Variants in MORN4 observed in about 807,000 individuals in gnomAD.
The protein encoded by MORN4 is MORN repeat-containing protein 4.
MORN4 carries 8 observed loss-of-function variants against 16.4 expected under a neutral mutation model. The ratio of observed to expected loss-of-function variants is 0.49; its 90% CI spans 0.29 to 0.88. The LOEUF (loss-of-function observed/expected upper bound fraction) is 0.88. Among genes scored for constraint, MORN4 ranks in the 40% least tolerant of loss-of-function variants. The probability of loss-of-function intolerance (pLI) is 0.09; values close to 1 mark genes in which losing one functional copy is unlikely to be tolerated. For missense variants in MORN4, 159 were observed against 182.9 expected (o/e 0.87, Z 0.75); for synonymous variants, 53 against 68.9 (o/e 0.77, Z 1.14).
In MORN4 at chr10:97,633,313, T is replaced by A. The variant is rs1399863375; in HGVS notation, c.-31+34A>T. 20 of 1,287,868 alleles carry A rather than the reference T, an allele frequency of 1.6e-5. No individual in the cohort carries two copies. The highest frequency in any genetic ancestry group is 2.0e-5 in the Non-Finnish European group (20 of 988,116). 79.8% of individuals were successfully genotyped at this position (1,287,868 alleles called of 1,614,324 possible). On this transcript the variant is annotated intron_variant, in intron 1 of 4. Transcript: ENST00000307450. The surrounding 1 kb of genome is among the most constrained non-coding windows in gnomAD (Gnocchi z 4.5). ...TGCCCACCTGACCGATCACACTCTT[T>A]CCCGGCCCCCTCCCTCCTGCGCCTC...
chr10:97,621,911 T>C (rs763670531), intron 1 of MORN4, among the ~76,000 whole-genome samples: 1 of 152,034 alleles, frequency 6.6e-6, no homozygotes, highest in African/African-American at 2.4e-5. Context: ...CTGCTGGACC[T>C]GGGTTGGCTG....
chr10:97,621,367 C>T (rs922223607), intron 1 of MORN4, among the ~76,000 whole-genome samples: 5 of 152,156 alleles, frequency 3.3e-5, no homozygotes, highest in East Asian at 3.9e-4. Context: ...GGAAAAGAGG[C>T]GACCTCTGCG....
At chr10:97,619,212 C>G (rs2135735678) in intron 2 of MORN4, among the ~76,000 whole-genome samples, 1 of 152,202 alleles carries the variant, frequency 6.6e-6, no homozygotes, top group Middle Eastern at 3.4e-3. Context: ...GTAATCCCAG[C>G]TACTTGGGAG....
upstream of MORN4, chr10:97,633,617 C>A: frequency 7.8e-7 from 1 of 1,287,682 alleles, no homozygotes; most frequent in Non-Finnish European, 1.0e-6. This position sits in a 1 kb window ranked among gnomAD's most constrained non-coding sequence, Gnocchi z 4.5. Context: ...TTTGCGAACC[C>A]GGGCTGACTA....
At chr10:97,628,993 C>A (rs1942219132) in intron 1 of MORN4, among the ~76,000 whole-genome samples, 1 of 152,184 alleles carries the variant, frequency 6.6e-6, no homozygotes, top group Admixed American at 6.5e-5. Context: ...TGTTTGTCTA[C>A]AATTTGATCT....
chr10:97,614,883 CG>C lies in MORN4; in HGVS notation c.*1379del, dbSNP rs2135732385. The C allele has an allele frequency of 6.6e-6, 1 of 152,600 alleles. No individual in the cohort carries two copies. Among genetic ancestry groups the C allele is most frequent in the South Asian group, 2.1e-4 (1 of 4,824 alleles). 9.5% of individuals were successfully genotyped at this position (152,600 alleles called of 1,614,324 possible). On this transcript the variant is annotated 3_prime_UTR_variant, in exon 5 of 5. Coordinates refer to ENST00000307450, the MANE Select transcript of MORN4 (RefSeq NM_178832.4). The stretch of plus-strand genomic sequence containing the variant: ...CAATTCTACCAAAACCCCAGGGGTT[CG>C]GGTGAGTCTGATTTATTGGTCCACT...
At chr10:97,618,507 C>T (rs2041259264) in intron 2 of MORN4, among the ~76,000 whole-genome samples, 1 of 152,106 alleles carries the variant, frequency 6.6e-6, no homozygotes, top group Non-Finnish European at 1.5e-5. Flanking sequence ...CCTCCAATCC[C>T]AGGCATTTCT....
intron 1 of MORN4, among the ~76,000 whole-genome samples, chr10:97,627,653 G>A (rs1408002755): frequency 1.3e-5 from 2 of 152,190 alleles, no homozygotes; most frequent in Admixed American, 1.3e-4. Flanking sequence ...CAACCTTGTG[G>A]AGACTCTTCT....
At chr10:97,633,559 C>T (rs548730425), upstream of MORN4, 4 of 1,289,898 alleles carry the variant, frequency 3.1e-6, no homozygotes, top group African/African-American at 6.1e-5. The surrounding 1 kb of genome is among the most constrained non-coding windows in gnomAD (Gnocchi z 4.5). Context: ...AACGCCACTC[C>T]GCATTGGCCC....
At position 97,633,371 on chromosome 10, in the gene MORN4, C is replaced by T. The variant is rs528951164; in HGVS notation, c.-55G>A. 2 of 1,289,862 alleles carry T rather than the reference C, an allele frequency of 1.6e-6. No homozygotes were observed. Among genetic ancestry groups the T allele is most frequent in the Non-Finnish European group, 2.0e-6 (2 of 988,908 alleles). The allele number at this position is 1,289,862 out of a possible 1,614,324, so 79.9% of individuals were successfully genotyped here. A position where few individuals can be genotyped will look rare whatever the true frequency, so the allele number is the denominator to read the frequency against. ...CCTGGGGCCGGCCTTTCGGGATGACCGTCACGCCTGGACGCAGGGTTCCAG... is the reference window on the plus strand; with the variant it reads ...CCTGGGGCCGGCCTTTCGGGATGACTGTCACGCCTGGACGCAGGGTTCCAG... On this transcript the variant is annotated 5_prime_UTR_variant, in exon 1 of 5. Transcript: ENST00000307450. This position sits in a 1 kb window ranked among gnomAD's most constrained non-coding sequence, Gnocchi z 4.5.
Position 97,616,779 on chromosome 10 carries a change from C to T in MORN4, c.191G>A (p.Gly64Glu), listed in dbSNP as rs746167077. The T allele has an allele frequency of 6.2e-7, 1 of 1,611,886 alleles. No homozygotes were observed. The highest frequency in any genetic ancestry group is 8.5e-7 in the Non-Finnish European group (1 of 1,177,998). Residue 64 changes from glycine (G) to glutamate (E), a missense_variant, in exon 4 of 5, where the codon GGG becomes GAG. Transcript: ENST00000307450. ...ATTAAACTTGCCCTGGGCAAACTCC[C>T]CCTCATACCTGCAGAAACACCAAGA... ...LTFSDGSRYE[G>E]EFAQGKFNGV...
chr10:97,617,209 T>C lies in MORN4; in HGVS notation c.181A>G (p.Arg61Gly), dbSNP rs1387643418. The C allele has an allele frequency of 6.2e-7, 1 of 1,612,994 alleles. No homozygotes were observed. The highest frequency in any genetic ancestry group is 8.5e-7 in the Non-Finnish European group (1 of 1,179,086). The change falls in exon 3 of 5, where the codon AGG (arginine) becomes GGG (glycine). Residue 61 changes from arginine (R) to glycine (G), a missense_variant and splice_region_variant. Coordinates refer to ENST00000307450, the MANE Select transcript of MORN4 (RefSeq NM_178832.4). ...FGVLTFSDGS[R>G]YEGEFAQGKF... is the part of the protein sequence containing the mutation. ...AGAAAGGAATGACCTCATACCCACC[T>C]TGAACCATCTGAGAAGGTCAATACC...
rs117068728 is a variant in MORN4, at chr10:97,622,622, G to A, written c.-30-2939C>T. On this transcript the variant is annotated intron_variant, in intron 1 of 4. Transcript: ENST00000307450. ...AGGTGGAAGGATCGCTTGAACCCAG[G>A]AGGCAGAAGTGCAGTGAGCCAAGAT... 3.6e-3 allele frequency among the ~76,000 whole-genome samples: 531 copies of A among 148,044 alleles called. 1 individual carries two copies. Among genetic ancestry groups the A allele is most frequent in the Non-Finnish European group, 5.8e-3 (395 of 67,732 alleles).
chr10:97,619,319 A>T, intron 2 of MORN4: 237 of 396,906 alleles, frequency 6.0e-4, no homozygotes, highest in Middle Eastern at 1.6e-3. Flanking sequence ...AGTGAGCGAG[A>T]CCTCATCTCA....
chr10:97,629,303 C>T, intron 1 of MORN4, among the ~76,000 whole-genome samples: 1 of 152,232 alleles, frequency 6.6e-6, no homozygotes, highest in Non-Finnish European at 1.5e-5. Flanking sequence ...AGGAGAATTG[C>T]TTAACCCAGG....
At chr10:97,623,512 A>T (rs1447786930) in intron 1 of MORN4, among the ~76,000 whole-genome samples, 1 of 152,178 alleles carries the variant, frequency 6.6e-6, no homozygotes, top group Non-Finnish European at 1.5e-5. Context: ...ACTGAGTTCC[A>T]ACAGGACAAG....
At chr10:97,623,245 C>T (rs1019554725) in intron 1 of MORN4, among the ~76,000 whole-genome samples, 2 of 152,132 alleles carry the variant, frequency 1.3e-5, no homozygotes, top group Non-Finnish European at 2.9e-5. Flanking sequence ...AATGGAAATA[C>T]TGTGTGTGAA....
In MORN4 at chr10:97,616,080, G is replaced by T; in HGVS notation, c.*183C>A. ...ACCAATGACTGCTGCAGGGTCTGCTGGCCAGCATCCTCAGCACTTTTCTGT... is the reference window on the plus strand; with the variant it reads ...ACCAATGACTGCTGCAGGGTCTGCTTGCCAGCATCCTCAGCACTTTTCTGT... On this transcript the variant is annotated 3_prime_UTR_variant, in exon 5 of 5. Coordinates refer to ENST00000307450, the MANE Select transcript of MORN4 (RefSeq NM_178832.4). 1 of 537,834 alleles carries T rather than the reference G, an allele frequency of 1.9e-6. No homozygotes were observed. Among genetic ancestry groups the T allele is most frequent in the Non-Finnish European group, 3.1e-6 (1 of 321,802 alleles). The allele number at this position is 537,834 out of a possible 1,614,324, so 33.3% of individuals were successfully genotyped here.
At chr10:97,633,717 C>G, upstream of MORN4, 1 of 1,141,380 alleles carries the variant, frequency 8.8e-7, no homozygotes, top group Non-Finnish European at 1.1e-6. The surrounding 1 kb of genome is among the most constrained non-coding windows in gnomAD (Gnocchi z 4.5). Flanking sequence ...GTTGAAATGG[C>G]AACCCCAAAG....
Sources: gnomAD v4.1 joint callset for allele counts (sites outside exome capture counted in the v4.1 genomes callset) on GRCh38, gnomAD v4.1.1 for gene constraint, Gnocchi (gnomAD v3.1) non-coding constraint, MANE v1.5 for transcripts, NCBI Gene and HGNC (gene_info 2026-07-23, HGNC 2026-07-21) for gene names.